The following MYO9B variants were observed in gnomAD, a reference collection of about 807,000 sequenced individuals.
The protein encoded by MYO9B is unconventional myosin-IXb.
MYO9B carries 71 observed loss-of-function variants against 229.5 expected under a neutral mutation model. The observed-to-expected ratio is 0.31, with a 90% CI of 0.26 to 0.38. The LOEUF is 0.38. Among genes scored for constraint, MYO9B ranks in the 10% least tolerant of loss-of-function variants. The probability of loss-of-function intolerance (pLI) is 1.00; values close to 1 mark genes in which losing one functional copy is unlikely to be tolerated. For synonymous variants in MYO9B, 1,185 were observed against 1,235.8 expected, an observed-to-expected ratio of 0.96 and a Z score of 0.86; for missense variants, 2,255 against 2,920.5, an observed-to-expected ratio of 0.77 and a Z score of 5.25.
At chr19:17,182,522 G>C (rs1452863132) in intron 15 of MYO9B, among the ~76,000 whole-genome samples, 1 of 151,996 alleles carries the variant, frequency 6.6e-6, no homozygotes, top group East Asian at 1.9e-4. Context: ...TCCTGCCTCA[G>C]CCTCCCAAGT....
intron 2 of MYO9B, among the ~76,000 whole-genome samples, chr19:17,115,327 C>T (rs935519349): frequency 2.0e-5 from 3 of 152,086 alleles, no homozygotes; most frequent in Admixed American, 6.6e-5. Flanking sequence ...TAATTGCACC[C>T]GAGACACTGC....
At chr19:17,157,112 T>C in intron 7 of MYO9B, 74 bp downstream of exon 7, 4 of 1,521,198 alleles carry the variant, frequency 2.6e-6, no homozygotes, top group Non-Finnish European at 3.5e-6. Context: ...CGAGGGACCA[T>C]ACCCAGAACT....
Position 17,112,970 on chromosome 19 carries a change from G to A in MYO9B, c.840+10413G>A, listed in dbSNP as rs575692104. 5.3e-5 allele frequency among the ~76,000 whole-genome samples: 8 copies of A among 152,356 alleles called. No homozygotes were observed. The East Asian group carries it at 9.6e-4, about 18-fold the overall frequency. On this transcript the variant is annotated intron_variant, in intron 2 of 39. Coordinates refer to ENST00000682292, the MANE Select transcript of MYO9B (RefSeq NM_004145.4). Reference sequence around the variant, plus strand: ...AGATTCAGGGCATAGGCCACAGACCGGAGGAGGCTCAGGGTCAGGACGGGG... The same window carrying A: ...AGATTCAGGGCATAGGCCACAGACCAGAGGAGGCTCAGGGTCAGGACGGGG...
At chr19:17,137,871 C>G (rs2072290732) in intron 2 of MYO9B, among the ~76,000 whole-genome samples, 1 of 151,024 alleles carries the variant, frequency 6.6e-6, no homozygotes, top group Non-Finnish European at 1.5e-5. Context: ...TCCAAAGTAA[C>G]TGGAACTACA....
chr19:17,206,143 C>CT lies in MYO9B; in HGVS notation c.5249dup (p.Gln1751AlafsTer109). Reference sequence around the variant, plus strand: ...CCGCACTCGGGAGCTCCGGCAGGCGCTGCAGACAGGTGGGCGCTGTGGGCA... The same window carrying CT: ...CCGCACTCGGGAGCTCCGGCAGGCGCTTGCAGACAGGTGGGCGCTGTGGGCA... On this transcript the variant is annotated frameshift_variant, in exon 32 of 40. Coordinates refer to ENST00000682292, the MANE Select transcript of MYO9B (RefSeq NM_004145.4). LOFTEE classifies it high-confidence loss of function. 6.2e-7 allele frequency: 1 copy of CT among 1,607,208 alleles called. No individual in the cohort carries two copies. Among genetic ancestry groups the CT allele is most frequent in the Non-Finnish European group, 8.5e-7 (1 of 1,176,018 alleles).
At chr19:17,096,911 T>C (rs978640708) in intron 1 of MYO9B, among the ~76,000 whole-genome samples, 1 of 92,200 alleles carries the variant, frequency 1.1e-5, no homozygotes, top group African/African-American at 4.6e-5. Context: ...TTCACCATGG[T>C]CTCGATCTGA....
chr19:17,141,892 A>G (rs1215705687), intron 2 of MYO9B, among the ~76,000 whole-genome samples: 1 of 152,132 alleles, frequency 6.6e-6, no homozygotes, highest in Non-Finnish European at 1.5e-5. Context: ...GGAATGAAAC[A>G]TTGATTACAG....
chr19:17,198,090 C>T (rs916523466), intron 23 of MYO9B, 94 bp from the exon 24 acceptor site: 59 of 1,519,734 alleles, frequency 3.9e-5, no homozygotes, highest in Middle Eastern at 3.6e-4. Context: ...GAAGTGAGGT[C>T]GGTGGATGGA....
At chr19:17,150,042 A>G (rs1599371233) in intron 3 of MYO9B, among the ~76,000 whole-genome samples, 1 of 152,322 alleles carries the variant, frequency 6.6e-6, no homozygotes, top group Non-Finnish European at 1.5e-5. Flanking sequence ...ATTTGAAAGA[A>G]GAGAGGACCC....
intron 1 of MYO9B, chr19:17,099,414 G>A (rs2057723133): frequency 6.6e-6 from 1 of 152,062 alleles, no homozygotes. Flanking sequence ...TTCCCGTTGG[G>A]TACGATGTTC....
intron 30 of MYO9B, 35 bp downstream of exon 30, chr19:17,203,293 C>T: frequency 6.8e-7 from 1 of 1,478,066 alleles, no homozygotes; most frequent in Middle Eastern, 2.1e-4. Flanking sequence ...CAAAACCCTC[C>T]ATGTCCCCCA....
intron 24 of MYO9B, among the ~76,000 whole-genome samples, chr19:17,198,801 G>T (rs1165753028): frequency 1.3e-5 from 2 of 151,402 alleles, no homozygotes; most frequent in Non-Finnish European, 2.9e-5. Flanking sequence ...GCTTTTGGGG[G>T]CTCCAGGTGT....
intron 31 of MYO9B, among the ~76,000 whole-genome samples, chr19:17,205,629 A>T (rs1265722440): frequency 6.6e-6 from 1 of 152,134 alleles, no homozygotes; most frequent in African/African-American, 2.4e-5. Context: ...TCTGTGCATA[A>T]GGTTGGGGTC....
At chr19:17,096,449 C>T (rs921169418) in intron 1 of MYO9B, among the ~76,000 whole-genome samples, 1 of 151,588 alleles carries the variant, frequency 6.6e-6, no homozygotes, top group Non-Finnish European at 1.5e-5. Context: ...GGTGGAGTTC[C>T]AGACCAGCCT....
chr19:17,156,965 G>A lies in MYO9B; in HGVS notation c.1256G>A (p.Arg419Lys), dbSNP rs750970021. The A allele has an allele frequency of 4.3e-6, 7 of 1,613,900 alleles. No homozygotes were observed. Among genetic ancestry groups the A allele is most frequent in the Middle Eastern group, 1.7e-4 (1 of 5,998 alleles). The change falls in exon 7 of 40, where the codon AGA (arginine) becomes AAA (lysine). Residue 419 changes from arginine (R) to lysine (K), a missense_variant. Transcript: ENST00000682292. ...LYLGNVTYKK[R>K]ATGREEGLEV... is the part of the protein sequence containing the mutation. ...CTGGGCAACGTCACTTATAAGAAGA[G>A]AGCTACAGGCCGAGAGGAAGGGTTG... is the stretch of plus-strand genomic sequence containing the variant.
intron 2 of MYO9B, among the ~76,000 whole-genome samples, chr19:17,118,777 A>G (rs1328462048): frequency 2.6e-5 from 4 of 152,230 alleles, no homozygotes; most frequent in Non-Finnish European, 5.9e-5. Context: ...GTGAGCCACC[A>G]TGCCGGGCCT....
In MYO9B at chr19:17,187,956, G is replaced by A. The variant is rs914434639; in HGVS notation, c.2599G>A (p.Glu867Lys). 8.2e-6 allele frequency: 13 copies of A among 1,593,318 alleles called. No homozygotes were observed. The highest frequency in any genetic ancestry group is 2.3e-5 in the South Asian group (2 of 87,606). The change falls in exon 19 of 40, where the codon GAG becomes AAG. Residue 867 changes from glutamate to lysine, a missense_variant. This residue lies in a region of MYO9B where 68 missense variants were observed against 133.5 expected (regional missense o/e 0.51). Coordinates refer to ENST00000682292, the MANE Select transcript of MYO9B (RefSeq NM_004145.4). ...AEKKELCFDD[E>K]LVLQQLRYTG... ...TCAGAAAGAGCTGTGCTTTGACGACGAGCTGGTCCTGCAGCAGCTGCGCTA... is the reference window on the plus strand; with the variant it reads ...TCAGAAAGAGCTGTGCTTTGACGACAAGCTGGTCCTGCAGCAGCTGCGCTA...
rs1417661472 is a variant in MYO9B at position 17,101,458 on chromosome 19, C to G, written c.-58-202C>G. ...TTGGGATTATAAGCATGAGCCACTG[C>G]AGGAGCCTGAGGTCACATTGAAGGA... On this transcript the variant is annotated intron_variant, in intron 1 of 39. Coordinates refer to ENST00000682292, the MANE Select transcript of MYO9B (RefSeq NM_004145.4). This position sits in a 1 kb window ranked among gnomAD's most constrained non-coding sequence, Gnocchi z 4.7. Among the ~76,000 whole-genome samples the G allele has an allele frequency of 6.6e-6, 1 of 152,152 alleles. No homozygotes were observed.
chr19:17,160,843 G>A (rs1453961770), intron 8 of MYO9B, among the ~76,000 whole-genome samples: 1 of 152,180 alleles, frequency 6.6e-6, no homozygotes, highest in Non-Finnish European at 1.5e-5. Flanking sequence ...GGGATTACAG[G>A]CATGTGCCAC....
Sources: gnomAD v4.1 joint callset for allele counts (sites outside exome capture counted in the v4.1 genomes callset) on GRCh38, gnomAD v4.1.1 for gene constraint, gnomAD v4.1.1 regional missense constraint, Gnocchi (gnomAD v3.1) non-coding constraint, MANE v1.5 for transcripts, NCBI Gene and HGNC (gene_info 2026-07-23, HGNC 2026-07-21) for gene names.